Variants in ST6GALNAC3 observed in about 807,000 individuals in gnomAD.
ST6GALNAC3 encodes ST6 N-acetylgalactosaminide alpha-2,6-sialyltransferase 3.
ST6GALNAC3 carries 25 observed loss-of-function variants against 32.7 expected under a neutral mutation model. That is an observed-to-expected ratio of 0.76 (90% CI 0.56 to 1.07). The LOEUF is 1.07. ST6GALNAC3 is among the 50% of genes least tolerant of loss of function. The pLI, the probability that ST6GALNAC3 is intolerant of heterozygous loss-of-function variation, is 0.00. For synonymous variants in ST6GALNAC3, 129 were observed against 133.1 expected (o/e 0.97, Z 0.21); for missense variants, 355 against 382.4 (o/e 0.93, Z 0.60).
At chr1:76,238,859 AT>A (rs1656808491) in intron 1 of ST6GALNAC3, among the ~76,000 whole-genome samples, 1 of 151,452 alleles carries the variant, frequency 6.6e-6, no homozygotes, top group African/African-American at 2.4e-5. Flanking sequence ...TTGGTTCACA[AT>A]TTTTATTCAG....
intron 3 of ST6GALNAC3, among the ~76,000 whole-genome samples, chr1:76,486,857 C>T (rs1660153742): frequency 6.6e-6 from 1 of 152,188 alleles, no homozygotes; most frequent in South Asian, 2.1e-4. Flanking sequence ...TCTGCAGTGG[C>T]TCGTACCGGT....
chr1:76,309,126 C>A (rs1209657671), intron 1 of ST6GALNAC3, among the ~76,000 whole-genome samples: 2 of 152,192 alleles, frequency 1.3e-5, no homozygotes, highest in Non-Finnish European at 2.9e-5. Context: ...CCTATACTTA[C>A]CCTTCCTCTG....
At chr1:76,153,999 G>T (rs755660588) in intron 1 of ST6GALNAC3, among the ~76,000 whole-genome samples, 1 of 152,128 alleles carries the variant, frequency 6.6e-6, no homozygotes, top group African/African-American at 2.4e-5. Flanking sequence ...CTGTCCCGCC[G>T]TCTGTAGTCG....
intron 3 of ST6GALNAC3, among the ~76,000 whole-genome samples, chr1:76,535,786 G>A (rs946862847): frequency 6.6e-6 from 1 of 151,596 alleles, no homozygotes; most frequent in East Asian, 1.9e-4. Context: ...AGCATTTAAA[G>A]CATGAGCTTG....
intron 1 of ST6GALNAC3, among the ~76,000 whole-genome samples, chr1:76,301,626 C>T (rs1660729820): frequency 6.6e-6 from 1 of 151,886 alleles, no homozygotes. Context: ...ACCATGAGAC[C>T]TGTGCTGTAG....
intron 2 of ST6GALNAC3, among the ~76,000 whole-genome samples, chr1:76,403,817 T>C (rs1002432525): frequency 1.2e-4 from 19 of 152,088 alleles, no homozygotes; most frequent in African/African-American, 4.3e-4. Flanking sequence ...AAGAGGTAAG[T>C]TGGCCATAAA....
In ST6GALNAC3 at chr1:76,602,724, G is replaced by A. The variant is rs146319040; in HGVS notation, c.624-24728G>A. On this transcript the variant is annotated intron_variant, in intron 3 of 4. Coordinates refer to ENST00000328299, the MANE Select transcript of ST6GALNAC3 (RefSeq NM_152996.4). ...TAATTTTATTAATTAATAAATTAAT[G>A]TATTGGTTTTTTAATTTAACCAATT... is the stretch of plus-strand genomic sequence containing the variant. 1.6e-4 allele frequency among the ~76,000 whole-genome samples: 24 copies of A among 151,896 alleles called. No homozygotes were observed. In the East Asian group the frequency reaches 3.7e-3, roughly 23 times the overall value.
At chr1:76,279,130 A>G (rs957400259) in intron 1 of ST6GALNAC3, among the ~76,000 whole-genome samples, 1 of 152,232 alleles carries the variant, frequency 6.6e-6, no homozygotes, top group Non-Finnish European at 1.5e-5. Context: ...AACAGACAGC[A>G]GACAGCACCA....
Position 76,174,204 on chromosome 1 carries a change from A to C in ST6GALNAC3, c.18+99320A>C, listed in dbSNP as rs191211189. 2.0e-4 allele frequency among the ~76,000 whole-genome samples: 31 copies of C among 152,240 alleles called. No homozygotes were observed. The East Asian group carries it at 5.8e-3, about 28-fold the overall frequency. ...CTTTGCAGGAACATCATCCTCAACA[A>C]ACTAACACAGGAACAGAAAATCAAA... On this transcript the variant is annotated intron_variant, in intron 1 of 4. Transcript: ENST00000328299.
chr1:76,414,675 C>T lies in ST6GALNAC3; in HGVS notation c.623+2258C>T, dbSNP rs549665662. Among the ~76,000 whole-genome samples, 19 of 152,060 alleles carry T rather than the reference C, an allele frequency of 1.2e-4. No individual in the cohort carries two copies. The East Asian group carries it at 3.5e-3, about 28-fold the overall frequency. ...AGCTTGAATAATTATTAATTCATGA[C>T]CAGTATGGTTTCATCTATACCCCTA... On this transcript the variant is annotated intron_variant, in intron 3 of 4. Coordinates refer to ENST00000328299, the MANE Select transcript of ST6GALNAC3 (RefSeq NM_152996.4).
At chr1:76,341,647 T>TTCTTTCTTTCTG (rs1648013305) in intron 2 of ST6GALNAC3, among the ~76,000 whole-genome samples, 1 of 143,358 alleles carries the variant, frequency 7.0e-6, no homozygotes, top group Non-Finnish European at 1.5e-5. Context: ...CTTTCTTTCT[T>TTCTTTCTTTCTG]TCTTTCTTTC....
intron 1 of ST6GALNAC3, among the ~76,000 whole-genome samples, chr1:76,299,815 T>G (rs1161862577): frequency 6.6e-6 from 1 of 151,664 alleles, no homozygotes; most frequent in Non-Finnish European, 1.5e-5. Context: ...AGAGAAAGTT[T>G]CATTATGCAG....
At chr1:76,140,891 G>A (rs915786565) in intron 1 of ST6GALNAC3, among the ~76,000 whole-genome samples, 17 of 150,198 alleles carry the variant, frequency 1.1e-4, no homozygotes, top group African/African-American at 3.9e-4. Flanking sequence ...TCCCACCCAG[G>A]CTTCCAAAGT....
intron 1 of ST6GALNAC3, among the ~76,000 whole-genome samples, chr1:76,227,162 C>A (rs892157617): frequency 6.6e-6 from 1 of 152,090 alleles, no homozygotes; most frequent in Non-Finnish European, 1.5e-5. Flanking sequence ...TTAAAAAGTT[C>A]TGTACCCTGG....
chr1:76,202,098 T>C (rs2100543389), intron 1 of ST6GALNAC3, among the ~76,000 whole-genome samples: 1 of 152,094 alleles, frequency 6.6e-6, no homozygotes, highest in African/African-American at 2.4e-5. Context: ...TCAGGTGTAT[T>C]TTCTGGCTAC....
chr1:76,395,576 TACACACACACACAG>T (rs1434648426), intron 2 of ST6GALNAC3, among the ~76,000 whole-genome samples: 35 of 151,660 alleles, frequency 2.3e-4, no homozygotes, highest in African/African-American at 8.2e-4. Flanking sequence ...AAGAAAACGT[TACACACACACACAG>T]ACACACACGC....
chr1:76,226,236 A>G (rs1656062548), intron 1 of ST6GALNAC3, among the ~76,000 whole-genome samples: 1 of 152,200 alleles, frequency 6.6e-6, no homozygotes, highest in Admixed American at 6.5e-5. Context: ...TCTTCTGAAA[A>G]AGAGAATTTC....
intron 1 of ST6GALNAC3, among the ~76,000 whole-genome samples, chr1:76,082,063 A>G (rs944410208): frequency 6.6e-6 from 1 of 152,250 alleles, no homozygotes; most frequent in African/African-American, 2.4e-5. Context: ...GTCTGAGGAA[A>G]ACAGGGAAGC....
chr1:76,222,678 CAAACA>C (rs1655844524), intron 1 of ST6GALNAC3, among the ~76,000 whole-genome samples: 1 of 50,174 alleles, frequency 2.0e-5, no homozygotes, highest in Non-Finnish European at 6.5e-5. Flanking sequence ...AAAACAAAAA[CAAACA>C]AACAAAAAAA....
Sources: allele counts gnomAD v4.1 joint callset (sites outside exome capture counted in the v4.1 genomes callset), GRCh38; gene constraint gnomAD v4.1.1; transcripts MANE v1.5; gene names NCBI Gene and HGNC (gene_info 2026-07-23, HGNC 2026-07-21).